The following KDM2B variants were observed in gnomAD, a reference collection of about 807,000 sequenced individuals.
KDM2B encodes lysine-specific demethylase 2B.
A neutral mutation model predicts 150.0 loss-of-function variants in KDM2B; 26 were observed. The observed-to-expected ratio is 0.17, with a 90% CI of 0.13 to 0.24. KDM2B has a LOEUF of 0.24. Among genes scored for constraint, KDM2B ranks in the 10% least tolerant of loss-of-function variants. KDM2B has a pLI of 1.00. For synonymous variants in KDM2B, 734 were observed against 729.5 expected, an observed-to-expected ratio of 1.01 and a Z score of -0.10; for missense variants, 1,265 against 1,816.9, an observed-to-expected ratio of 0.70 and a Z score of 5.52.
At chr12:121,417,687 TGTC>T in the KDM2B span, 1 of 1,614,084 alleles carries the variant, frequency 6.2e-7, no homozygotes, top group African/African-American at 1.3e-5. This position sits in a 1 kb window ranked among gnomAD's most constrained non-coding sequence, Gnocchi z 5.0. Flanking sequence ...CATAGATACT[TGTC>T]GTGAGAAAGA....
intron 19 of KDM2B, 75 bp from the exon 20 acceptor site, chr12:121,441,308 G>T (rs2288154): frequency 7.1e-7 from 1 of 1,409,970 alleles, no homozygotes; most frequent in Non-Finnish European, 9.8e-7. Flanking sequence ...GCTCTTAACT[G>T]TCCCCACCTA....
chr12:121,440,730 A>C, intron 21 of KDM2B, 86 bp downstream of exon 21: 2 of 1,275,422 alleles, frequency 1.6e-6, no homozygotes, highest in Non-Finnish European at 2.2e-6. Flanking sequence ...CCTTTGGGGA[A>C]CAGCTGGGGT....
chr12:121,530,682 A>G (rs1483955060), intron 8 of KDM2B, among the ~76,000 whole-genome samples: 1 of 152,128 alleles, frequency 6.6e-6, no homozygotes, highest in Non-Finnish European at 1.5e-5. Flanking sequence ...TCCTGCTTGC[A>G]GCAACTCAAA....
intron 4 of KDM2B, among the ~76,000 whole-genome samples, chr12:121,571,653 ATTTT>A (rs113925677): frequency 7.5e-6 from 1 of 134,194 alleles, no homozygotes; most frequent in Non-Finnish European, 1.6e-5. Flanking sequence ...TATGATCTCA[ATTTT>A]TTTTTTTTTT....
intron 22 of KDM2B, among the ~76,000 whole-genome samples, chr12:121,433,733 G>T (rs1555286047): frequency 6.6e-6 from 1 of 152,156 alleles, no homozygotes; most frequent in Non-Finnish European, 1.5e-5. Flanking sequence ...TAAAATTCAT[G>T]TGAATGCATG....
At position 121,513,782 on chromosome 12, in the gene KDM2B, C is replaced by A. The variant is rs188391384; in HGVS notation, c.1048-380G>T. Among the ~76,000 whole-genome samples, 4 of 152,310 alleles carry A rather than the reference C, an allele frequency of 2.6e-5. No homozygotes were observed. Among genetic ancestry groups the A allele is most frequent in the African/African-American group, 9.6e-5 (4 of 41,564 alleles). On this transcript the variant is annotated intron_variant, in intron 9 of 22. Coordinates refer to ENST00000377071, the MANE Select transcript of KDM2B (RefSeq NM_032590.5). The surrounding 1 kb of genome is among the most constrained non-coding windows in gnomAD (Gnocchi z 5.0). ...ATTCTAGCTACAACAGACATAGGTT[C>A]CTCCTTGTTTCTGAAAATTCCTGCA...
At position 121,548,912 on chromosome 12, in the gene KDM2B, G is replaced by A. The variant is rs200550252; in HGVS notation, c.648C>T (p.Asn216=). 1.9e-5 allele frequency: 30 copies of A among 1,614,046 alleles called. No homozygotes were observed. Among genetic ancestry groups the A allele is most frequent in the East Asian group, 6.7e-5 (3 of 44,904 alleles). ...TCGGGTACTTCATCTCTGCAATGGC[G>A]TTCGTGGCTTCTGTCTGCTTCTCCT... is the stretch of plus-strand genomic sequence containing the variant. ...HLKEKQTEAT[N]AIAEMKYPKV... is the part of the protein sequence containing the mutation. The change falls in exon 6 of 23, where the codon AAC becomes AAT. Residue 216 remains asparagine (N), a synonymous_variant. Transcript: ENST00000377071.
At chr12:121,495,781 A>G (rs781845497) in intron 11 of KDM2B, among the ~76,000 whole-genome samples, 7 of 152,290 alleles carry the variant, frequency 4.6e-5, no homozygotes, top group Non-Finnish European at 7.4e-5. Flanking sequence ...CTGCTGTGTG[A>G]CGACGTGTAA....
intron 10 of KDM2B, among the ~76,000 whole-genome samples, chr12:121,511,487 T>C (rs1300795465): frequency 1.3e-5 from 2 of 152,120 alleles, no homozygotes; most frequent in Non-Finnish European, 2.9e-5. Flanking sequence ...GGTGTCACCA[T>C]GTTGGCCAGG....
In KDM2B at chr12:121,442,465, C is replaced by T. The variant is rs185179277; in HGVS notation, c.2976G>A (p.Glu992=). The change falls in exon 19 of 23, where the codon GAG becomes GAA. Residue 992 remains glutamate (E), a synonymous_variant. Coordinates refer to ENST00000377071, the MANE Select transcript of KDM2B (RefSeq NM_032590.5). The surrounding 1 kb of genome is among the most constrained non-coding windows in gnomAD (Gnocchi z 7.7). ...EEPKRPPGIC[E]RPHRFSKGLN... Reference sequence around the variant, plus strand: ...GCCCCTTGCTGAAGCGGTGGGGACGCTCGCAGATGCCCGGGGGCCGCTTGG... The same window carrying T: ...GCCCCTTGCTGAAGCGGTGGGGACGTTCGCAGATGCCCGGGGGCCGCTTGG... The T allele has an allele frequency of 6.3e-7, 1 of 1,599,726 alleles. No homozygotes were observed. The highest frequency in any genetic ancestry group is 1.3e-5 in the African/African-American group (1 of 75,018).
chr12:121,549,609 C>A lies in KDM2B; in HGVS notation c.427G>T (p.Val143Leu). The change falls in exon 5 of 23, where the codon GTG becomes TTG. Residue 143 changes from valine to leucine, a missense_variant. Val to Leu is a conservative substitution (Grantham distance 32, BLOSUM62 1). Coordinates refer to ENST00000377071, the MANE Select transcript of KDM2B (RefSeq NM_032590.5). The surrounding 1 kb of genome is among the most constrained non-coding windows in gnomAD (Gnocchi z 4.4). ...GSRRLVDVMD[V>L]NTQKGTEMSM... is the part of the protein sequence containing the mutation. ...ATCTCCGTGCCCTTCTGGGTGTTCA[C>A]ATCCATCACGTCCACAAGCCGCCGG... The A allele has an allele frequency of 6.3e-7, 1 of 1,599,192 alleles. No individual in the cohort carries two copies.
Position 121,452,718 on chromosome 12 carries a change from A to G in KDM2B, c.1959+402T>C, listed in dbSNP as rs1555291881. On this transcript the variant is annotated intron_variant, in intron 13 of 22. Transcript: ENST00000377071. This position sits in a 1 kb window ranked among gnomAD's most constrained non-coding sequence, Gnocchi z 4.4. ...GCTCTCCCGGGCGCGGCTCCTCAGTACCATAAATCACTCCTTGTTGGGGGC... is the reference window on the plus strand; with the variant it reads ...GCTCTCCCGGGCGCGGCTCCTCAGTGCCATAAATCACTCCTTGTTGGGGGC... Among the ~76,000 whole-genome samples the G allele has an allele frequency of 1.3e-5, 2 of 151,784 alleles. No homozygotes were observed. Among genetic ancestry groups the G allele is most frequent in the Non-Finnish European group, 2.9e-5 (2 of 67,944 alleles).
Position 121,452,857 on chromosome 12 carries a change from C to T in KDM2B, c.1959+263G>A, listed in dbSNP as rs1877535764. Among the ~76,000 whole-genome samples, 1 of 152,196 alleles carries T rather than the reference C, an allele frequency of 6.6e-6. No individual in the cohort carries two copies. The highest frequency in any genetic ancestry group is 2.4e-5 in the African/African-American group (1 of 41,452). On this transcript the variant is annotated intron_variant, in intron 13 of 22. Transcript: ENST00000377071. The surrounding 1 kb of genome is among the most constrained non-coding windows in gnomAD (Gnocchi z 4.4). ...TCACCCAGAACCGTAATGTTGGCAACGGGGTCACAGACAGGACAGGCTGCC... is the reference window on the plus strand; with the variant it reads ...TCACCCAGAACCGTAATGTTGGCAATGGGGTCACAGACAGGACAGGCTGCC...
intron 3 of KDM2B, among the ~76,000 whole-genome samples, 172 bp from the exon 4 acceptor site, chr12:121,574,765 A>T (rs1486729845): frequency 2.0e-5 from 3 of 152,144 alleles, no homozygotes; most frequent in African/African-American, 7.2e-5. Flanking sequence ...GCCTCCAGGG[A>T]GGGTCACCCC....
chr12:121,422,365 C>A, the KDM2B span, among the ~76,000 whole-genome samples: 37 of 152,290 alleles, frequency 2.4e-4, 1 homozygote, highest in African/African-American at 8.7e-4. Flanking sequence ...CCTCTGCTTT[C>A]CTAAGTTCTA....
chr12:121,579,743 C>T (rs1891804566), intron 1 of KDM2B: 1 of 1,448,374 alleles, frequency 6.9e-7, no homozygotes, highest in Non-Finnish European at 9.2e-7. Context: ...CCCCAGATTC[C>T]GGGCGAACCC....
Position 121,513,229 on chromosome 12 carries a change from G to A in KDM2B, c.1174+47C>T. On this transcript the variant is annotated intron_variant, in intron 10 of 22. Transcript: ENST00000377071. This position sits in a 1 kb window ranked among gnomAD's most constrained non-coding sequence, Gnocchi z 5.0. ...AGGCCCCACTGAGAAAATGATTTCT[G>A]CCCCAGCTGTGCAGCCGAGGCCGTG... 1 of 1,597,344 alleles carries A rather than the reference G, an allele frequency of 6.3e-7. No individual in the cohort carries two copies. Among genetic ancestry groups the A allele is most frequent in the Non-Finnish European group, 8.6e-7 (1 of 1,167,128 alleles).
chr12:121,416,039 A>C, the KDM2B span: 1 of 725,340 alleles, frequency 1.4e-6, no homozygotes, highest in Admixed American at 2.6e-5. Flanking sequence ...GCCCAGAGGA[A>C]TATAGTAATC....
chr12:121,550,859 G>A (rs1889432316), intron 4 of KDM2B, among the ~76,000 whole-genome samples: 1 of 151,972 alleles, frequency 6.6e-6, no homozygotes, highest in Non-Finnish European at 1.5e-5. Context: ...TAACGGAGGG[G>A]GAAAAATCAA....
Sources: gnomAD v4.1 joint callset for allele counts (sites outside exome capture counted in the v4.1 genomes callset) on GRCh38, gnomAD v4.1.1 for gene constraint, Gnocchi (gnomAD v3.1) non-coding constraint, MANE v1.5 for transcripts, NCBI Gene and HGNC (gene_info 2026-07-23, HGNC 2026-07-21) for gene names.